Variants in KANK3 observed in about 807,000 individuals in gnomAD.
KANK3 encodes the protein KN motif and ankyrin repeat domain-containing protein 3.
In KANK3, 61 loss-of-function variants were observed where a neutral mutation model predicts 65.4. The ratio of observed to expected loss-of-function variants is 0.93; its 90% CI spans 0.76 to 1.15. The LOEUF is 1.15. KANK3 is among the 50% of genes most tolerant of loss of function. The pLI, the probability that KANK3 is intolerant of heterozygous loss-of-function variation, is 0.00. For synonymous variants in KANK3, 586 were observed against 543.3 expected (o/e 1.08, Z -1.09); for missense variants, 1,187 against 1,178.8 (o/e 1.01, Z -0.10).
intron 2 of KANK3, among the ~76,000 whole-genome samples, chr19:8,336,411 TG>T (rs1486785159): frequency 3.6e-5 from 5 of 137,324 alleles, no homozygotes; most frequent in African/African-American, 1.4e-4. Context: ...CACTCCAGCC[TG>T]GGCGACAGAA....
intron 1 of KANK3, among the ~76,000 whole-genome samples, chr19:8,338,806 C>T (rs1339481276): frequency 1.5e-5 from 2 of 130,274 alleles, no homozygotes; most frequent in African/African-American, 5.8e-5. Context: ...ACCCGGGAGG[C>T]GGAGCTTGCA....
chr19:8,338,800 G>A (rs1377800285), intron 1 of KANK3, among the ~76,000 whole-genome samples: 5 of 149,756 alleles, frequency 3.3e-5, no homozygotes, highest in African/African-American at 9.9e-5. Context: ...GCGTGAACCC[G>A]GGAGGCGGAG....
chr19:8,333,787 C>T lies in KANK3; in HGVS notation c.1656G>A (p.Leu552=). ...AQGRCELSPR[L]REACVALQRQ... ...GCTGCAGCGCTACGCACGCCTCCCT[C>T]AGACGCGGGCTCAGCTCGCACCTGC... Residue 552 remains leucine, a synonymous_variant, in exon 6 of 11, where the codon CTG becomes CTA. Coordinates refer to ENST00000330915, the MANE Select transcript of KANK3 (RefSeq NM_198471.3). This position sits in a 1 kb window ranked among gnomAD's most constrained non-coding sequence, Gnocchi z 5.0. The T allele has an allele frequency of 6.6e-7, 1 of 1,523,338 alleles. No homozygotes were observed. The highest frequency in any genetic ancestry group is 8.8e-7 in the Non-Finnish European group (1 of 1,132,162). 94.4% of individuals were successfully genotyped at this position (1,523,338 alleles called of 1,614,324 possible).
chr19:8,340,332 A>G (rs2972582), intron 1 of KANK3, among the ~76,000 whole-genome samples: 22,149 of 149,870 alleles, frequency 0.15, 2,059 homozygotes, highest in Non-Finnish European at 0.21. Context: ...CCCCCATACA[A>G]CACTTTGCAT....
At chr19:8,340,116 G>A (rs1425090169) in intron 1 of KANK3, among the ~76,000 whole-genome samples, 1 of 151,480 alleles carries the variant, frequency 6.6e-6, no homozygotes, top group African/African-American at 2.4e-5. Flanking sequence ...CATCGCCATA[G>A]CTGGACACAA....
rs573315741 is a variant in KANK3 at position 8,325,296 on chromosome 19, C to CTTTTTTTTTTTTTTTTTTTT, written c.1937-220_1937-201dup. Among the ~76,000 whole-genome samples, 39 of 78,636 alleles carry CTTTTTTTTTTTTTTTTTTTT rather than the reference C, an allele frequency of 5.0e-4. 4 individuals are homozygous for CTTTTTTTTTTTTTTTTTTTT. The highest frequency in any genetic ancestry group is 8.6e-4 in the African/African-American group (16 of 18,660). The allele number at this position is 78,636 out of a possible 152,430, so 51.6% of individuals were successfully genotyped here. The stretch of plus-strand genomic sequence containing the variant: ...TCAGTGAAGGACCTTCCTGTTTCAT[C>CTTTTTTTTTTTTTTTTTTTT]TTTTTTTTTTTTTTTTTTTTTTTTT... On this transcript the variant is annotated intron_variant, in intron 7 of 10. Transcript: ENST00000330915.
At chr19:8,338,131 C>T (rs1033819673) in intron 1 of KANK3, 6 of 249,556 alleles carry the variant, frequency 2.4e-5, no homozygotes, top group Non-Finnish European at 3.8e-5. Flanking sequence ...AAGTGAATCT[C>T]CTGCCTCAGC....
rs765133660 is a variant in KANK3, at chr19:8,322,909, G to A, written c.2396C>T (p.Pro799Leu). 44 of 1,541,280 alleles carry A rather than the reference G, an allele frequency of 2.9e-5. No homozygotes were observed. The highest frequency in any genetic ancestry group is 3.7e-5 in the Non-Finnish European group (42 of 1,143,234). Residue 799 changes from proline to leucine, a missense_variant, in exon 11 of 11, where the codon CCT (proline) becomes CTT (leucine). Transcript: ENST00000330915. ...ACCAGGTGTGGCTGTCTGGGAGCCAGGGGGTGACTCGCTCTGGAGAGAGGG... is the reference window on the plus strand; with the variant it reads ...ACCAGGTGTGGCTGTCTGGGAGCCAAGGGGTGACTCGCTCTGGAGAGAGGG... Reference protein sequence around the residue: ...GQPDTQSESPPGSQTATPGEG... With the variant: ...GQPDTQSESPLGSQTATPGEG...
At chr19:8,325,296 C>CTTTTTTTTTTTTTTTTTTTTTTTTTTT (rs573315741) in intron 7 of KANK3, among the ~76,000 whole-genome samples, 200 bp from the exon 8 acceptor site, 1 of 78,604 alleles carries the variant, frequency 1.3e-5, no homozygotes, top group Non-Finnish European at 2.3e-5. Context: ...CCTGTTTCAT[C>CTTTTTTTTTTTTTTTTTTTTTTTTTTT]TTTTTTTTTT....
At chr19:8,334,243 G>C in intron 4 of KANK3, 77 bp downstream of exon 4, 1 of 1,584,006 alleles carries the variant, frequency 6.3e-7, no homozygotes, top group Non-Finnish European at 8.6e-7. Context: ...CACGCTGCCA[G>C]TAGAGGGGCA....
intron 1 of KANK3, among the ~76,000 whole-genome samples, chr19:8,341,175 A>T (rs372787543): frequency 6.6e-6 from 1 of 151,416 alleles, no homozygotes; most frequent in African/African-American, 2.4e-5. Flanking sequence ...AACGCTTTTG[A>T]TATTTACTAT....
rs1019858922 is a variant in KANK3, at chr19:8,335,399, A to C, written c.428T>G (p.Leu143Arg). 57 of 1,201,998 alleles carry C rather than the reference A, an allele frequency of 4.7e-5. No homozygotes were observed. The Admixed American group carries it at 1.7e-3, about 36-fold the overall frequency. The allele number at this position is 1,201,998 out of a possible 1,614,324, so 74.5% of individuals were successfully genotyped here. ...GGGCGCGCGCTCGTGTGTCTGCGCC[A>C]GCTCCAGCCGCCGGCTGGTCTCCCG... ...TLRETSRRLE[L>R]AQTHERAPSP... Residue 143 changes from leucine (L) to arginine (R), a missense_variant, in exon 3 of 11, where the codon CTG (leucine) becomes CGG (arginine). Physicochemically the swap from Leu to Arg is moderately radical, Grantham distance 102 (BLOSUM62 -2). This residue lies in a region of KANK3 where 1,078 missense variants were observed against 1,038.2 expected (regional missense o/e 1.04). Coordinates refer to ENST00000330915, the MANE Select transcript of KANK3 (RefSeq NM_198471.3).
intron 7 of KANK3, among the ~76,000 whole-genome samples, chr19:8,325,882 A>C (rs936894137): frequency 1.3e-5 from 2 of 151,336 alleles, no homozygotes; most frequent in Non-Finnish European, 2.9e-5. Context: ...GCTGGAGTGC[A>C]GTGGCACGAT....
chr19:8,331,733 G>T (rs1263681904), intron 7 of KANK3, among the ~76,000 whole-genome samples: 6 of 152,246 alleles, frequency 3.9e-5, no homozygotes, highest in Middle Eastern at 3.4e-3. Context: ...TGGGGCTCAG[G>T]AACTCGGTGA....
rs751282288 is a variant in KANK3, at chr19:8,334,134, G to A, written c.1428-18C>T. Reference sequence around the variant, plus strand: ...TCTCGTACCTGGGGGCAGGGTGGGAGGTGTCTGCTAAACCTCCCCTGTGGG... The same window carrying A: ...TCTCGTACCTGGGGGCAGGGTGGGAAGTGTCTGCTAAACCTCCCCTGTGGG... On this transcript the variant is annotated intron_variant, in intron 4 of 10. Transcript: ENST00000330915. The A allele has an allele frequency of 1.3e-6, 2 of 1,502,284 alleles. No homozygotes were observed. The highest frequency in any genetic ancestry group is 1.8e-6 in the Non-Finnish European group (2 of 1,124,798). The allele number at this position is 1,502,284 out of a possible 1,614,324, so 93.1% of individuals were successfully genotyped here.
In KANK3 at chr19:8,333,599, A is replaced by G; in HGVS notation, c.1719+125T>C. ...TCCTGGGAAGGAGATCCCTTCGGAG[A>G]GCCTGGGGTCAGGCGAGGTGCCTGG... On this transcript the variant is annotated intron_variant, in intron 6 of 10. Transcript: ENST00000330915. The surrounding 1 kb of genome is among the most constrained non-coding windows in gnomAD (Gnocchi z 5.0). 1.3e-6 allele frequency: 1 copy of G among 744,200 alleles called. No individual in the cohort carries two copies. Among genetic ancestry groups the G allele is most frequent in the Non-Finnish European group, 2.1e-6 (1 of 485,836 alleles). 46.1% of individuals were successfully genotyped at this position (744,200 alleles called of 1,614,324 possible). A position where few individuals can be genotyped will look rare whatever the true frequency, so the allele number is the denominator to read the frequency against.
intron 7 of KANK3, among the ~76,000 whole-genome samples, chr19:8,330,641 T>A (rs529856800): frequency 1.3e-5 from 2 of 151,804 alleles, no homozygotes; most frequent in Non-Finnish European, 2.9e-5. Flanking sequence ...GGCAGGAGAA[T>A]CACTTGAATC....
rs190865720 is a variant in KANK3, at chr19:8,339,479, C to T, written c.-28-1623G>A. 8.6e-5 allele frequency among the ~76,000 whole-genome samples: 13 copies of T among 151,902 alleles called. No individual in the cohort carries two copies. The East Asian group carries it at 1.6e-3, about 18-fold the overall frequency. The stretch of plus-strand genomic sequence containing the variant: ...GGTTCAAGTGATTCTCCTGCCTCAG[C>T]CTCCTGAGTAGCTGGGATTACAGCC... On this transcript the variant is annotated intron_variant, in intron 1 of 10. Coordinates refer to ENST00000330915, the MANE Select transcript of KANK3 (RefSeq NM_198471.3).
intron 7 of KANK3, among the ~76,000 whole-genome samples, chr19:8,329,847 T>A (rs1970494789): frequency 1.3e-5 from 2 of 152,188 alleles, no homozygotes; most frequent in South Asian, 4.1e-4. Flanking sequence ...TGTAACTTGT[T>A]ATGTGAATGA....
Sources: allele counts gnomAD v4.1 joint callset (sites outside exome capture counted in the v4.1 genomes callset), GRCh38; gene constraint gnomAD v4.1.1; regional missense constraint gnomAD v4.1.1; non-coding constraint Gnocchi (gnomAD v3.1); transcripts MANE v1.5; gene names NCBI Gene and HGNC (gene_info 2026-07-23, HGNC 2026-07-21).